Variants in MSRA observed in about 807,000 individuals in gnomAD.
MSRA encodes mitochondrial peptide methionine sulfoxide reductase.
In MSRA, 54 loss-of-function variants were observed where a neutral mutation model predicts 31.3. The ratio of observed to expected loss-of-function variants is 1.73; its 90% CI spans 1.39 to 2.17. The LOEUF (loss-of-function observed/expected upper bound fraction) is 2.17. Among genes scored for constraint, MSRA ranks in the 30% most tolerant of loss-of-function variants. The pLI, the probability that MSRA is intolerant of heterozygous loss-of-function variation, is 0.00. For missense variants in MSRA, 507 were observed against 300.9 expected (o/e 1.69, Z -5.07); for synonymous variants, 169 against 116.5 (o/e 1.45, Z -2.90).
At chr8:10,426,236 A>C (rs920871598) in intron 5 of MSRA, among the ~76,000 whole-genome samples, 9 of 152,318 alleles carry the variant, frequency 5.9e-5, no homozygotes, top group African/African-American at 2.2e-4. Flanking sequence ...TCTGGAGCCA[A>C]ATGCTGTGTG....
In MSRA at chr8:10,207,881, G is replaced by A; in HGVS notation, c.191G>A (p.Gly64Glu). ...AGAACAGTCGAACCTTTCCCAGAGG[G>A]AACACAGATGGCTGTATTTGGTAAG... ...GNRTVEPFPEGTQMAVFGMGC... is the reference protein window; with the variant it reads ...GNRTVEPFPEETQMAVFGMGC... The change falls in exon 2 of 6, where the codon GGA (glycine) becomes GAA (glutamate). Residue 64 changes from glycine (G) to glutamate (E), a missense_variant. By Grantham distance (98) the Gly-to-Glu change is moderately conservative. Coordinates refer to ENST00000317173, the MANE Select transcript of MSRA (RefSeq NM_012331.5). 6.2e-7 allele frequency: 1 copy of A among 1,612,374 alleles called. No individual in the cohort carries two copies. Among genetic ancestry groups the A allele is most frequent in the Non-Finnish European group, 8.5e-7 (1 of 1,179,130 alleles).
chr8:10,334,871 G>A (rs572372109), intron 5 of MSRA, among the ~76,000 whole-genome samples: 2 of 152,190 alleles, frequency 1.3e-5, no homozygotes, highest in African/African-American at 2.4e-5. Flanking sequence ...CGCTCTGGCC[G>A]CTCCCGTCTG....
intron 1 of MSRA, among the ~76,000 whole-genome samples, chr8:10,113,973 T>C (rs569667674): frequency 2.0e-5 from 3 of 152,304 alleles, no homozygotes; most frequent in Admixed American, 1.3e-4. Context: ...CATTCTCCTC[T>C]TCCCCCTGTC....
At chr8:10,123,210 A>G (rs1296137534) in intron 1 of MSRA, among the ~76,000 whole-genome samples, 1 of 152,196 alleles carries the variant, frequency 6.6e-6, no homozygotes, top group Non-Finnish European at 1.5e-5. Flanking sequence ...CTTTTTAGTA[A>G]TAGCCATTCT....
intron 1 of MSRA, among the ~76,000 whole-genome samples, chr8:10,165,118 C>T (rs1010009275): frequency 6.6e-6 from 1 of 152,144 alleles, no homozygotes; most frequent in Non-Finnish European, 1.5e-5. Flanking sequence ...TTTAAAAAGG[C>T]TCCCCAGGTA....
chr8:10,061,198 T>C (rs541557632), intron 1 of MSRA, among the ~76,000 whole-genome samples: 1 of 152,196 alleles, frequency 6.6e-6, no homozygotes, highest in African/African-American at 2.4e-5. Flanking sequence ...ATCTTCTGCC[T>C]AATGTGTTTC....
intron 1 of MSRA, among the ~76,000 whole-genome samples, chr8:10,206,260 G>T (rs1295392740): frequency 3.3e-5 from 5 of 152,186 alleles, no homozygotes; most frequent in East Asian, 1.9e-4. Flanking sequence ...ATCAGTGAAT[G>T]CTTGACAGGG....
chr8:10,087,767 T>C (rs1798644089), intron 1 of MSRA, among the ~76,000 whole-genome samples: 1 of 152,194 alleles, frequency 6.6e-6, no homozygotes, highest in Non-Finnish European at 1.5e-5. Context: ...TTAGGGAGTG[T>C]TTTCTAAGAT....
intron 3 of MSRA, among the ~76,000 whole-genome samples, chr8:10,255,614 G>C (rs921565305): frequency 6.6e-6 from 1 of 152,044 alleles, no homozygotes; most frequent in African/African-American, 2.4e-5. Flanking sequence ...GTGTGTCTTT[G>C]TGCACAAGAA....
At chr8:10,380,302 T>A (rs541294300) in intron 5 of MSRA, among the ~76,000 whole-genome samples, 5 of 152,200 alleles carry the variant, frequency 3.3e-5, no homozygotes, top group Non-Finnish European at 5.9e-5. Context: ...TTGGAAGCTT[T>A]TTCTAGGACA....
intron 5 of MSRA, among the ~76,000 whole-genome samples, chr8:10,420,085 G>C (rs1040487897): frequency 6.6e-6 from 1 of 152,186 alleles, no homozygotes; most frequent in African/African-American, 2.4e-5. Context: ...TGTACGTAGA[G>C]TGGAATAGTG....
intron 5 of MSRA, among the ~76,000 whole-genome samples, chr8:10,370,831 TC>T (rs1805433872): frequency 6.6e-6 from 1 of 152,190 alleles, no homozygotes; most frequent in Non-Finnish European, 1.5e-5. Context: ...TTGTCCTCCT[TC>T]CAGATGAGTC....
chr8:10,337,638 C>T (rs1803138360), intron 5 of MSRA: 2 of 685,126 alleles, frequency 2.9e-6, no homozygotes, highest in South Asian at 3.1e-5. Context: ...GATATTGTCA[C>T]ATTTTCCTTG....
At chr8:10,154,456 C>T (rs1235480418) in intron 1 of MSRA, among the ~76,000 whole-genome samples, 1 of 152,076 alleles carries the variant, frequency 6.6e-6, no homozygotes, top group Non-Finnish European at 1.5e-5. Context: ...CGGCTCACTG[C>T]AAGCTCTGCC....
intron 1 of MSRA, among the ~76,000 whole-genome samples, chr8:10,091,299 T>C (rs934874274): frequency 6.6e-6 from 1 of 152,256 alleles, no homozygotes; most frequent in Admixed American, 6.5e-5. Context: ...GTATTTATGG[T>C]GTATAACATA....
intron 3 of MSRA, among the ~76,000 whole-genome samples, chr8:10,264,413 A>G (rs1396238905): frequency 3.9e-5 from 6 of 152,262 alleles, no homozygotes; most frequent in Non-Finnish European, 5.9e-5. Flanking sequence ...ATTTGATTCT[A>G]GGTCTTTTCA....
chr8:10,100,069 G>T (rs902072799), intron 1 of MSRA, among the ~76,000 whole-genome samples: 1 of 152,218 alleles, frequency 6.6e-6, no homozygotes, highest in Non-Finnish European at 1.5e-5. Flanking sequence ...CAGTCCTGTT[G>T]TAGCTGCAGC....
In MSRA at chr8:10,264,512, C is replaced by T. The variant is rs886863845; in HGVS notation, c.331+19289C>T. The stretch of plus-strand genomic sequence containing the variant: ...ACTTGTTTATCAGAACGATGGCTGC[C>T]TGGGCTAAAGCCAGTGCTGCCAGGC... On this transcript the variant is annotated intron_variant, in intron 3 of 5. Transcript: ENST00000317173. Among the ~76,000 whole-genome samples the T allele has an allele frequency of 7.2e-4, 109 of 152,178 alleles. 1 individual carries two copies. Among genetic ancestry groups the T allele is most frequent in the African/African-American group, 1.4e-4 (6 of 41,434 alleles).
At chr8:10,420,903 A>AAG (rs1554558826) in intron 5 of MSRA, among the ~76,000 whole-genome samples, 12 of 150,384 alleles carry the variant, frequency 8.0e-5, no homozygotes, top group Non-Finnish European at 1.3e-4. Flanking sequence ...AAAAAAAAAA[A>AAG]GGAGAATCAC....
Sources: gnomAD v4.1 joint callset for allele counts (sites outside exome capture counted in the v4.1 genomes callset) on GRCh38, gnomAD v4.1.1 for gene constraint, MANE v1.5 for transcripts, NCBI Gene and HGNC (gene_info 2026-07-23, HGNC 2026-07-21) for gene names.